Variants in WDPCP observed in about 807,000 individuals in gnomAD.
The protein encoded by WDPCP is WD repeat containing planar cell polarity effector.
In WDPCP, 71 loss-of-function variants were observed where a neutral mutation model predicts 93.1. That is an observed-to-expected ratio of 0.76 (90% CI 0.63 to 0.93). The LOEUF (loss-of-function observed/expected upper bound fraction) is 0.93. Among genes scored for constraint, WDPCP ranks in the 40% least tolerant of loss-of-function variants. The pLI is 0.00. For missense variants in WDPCP, 844 were observed against 887.4 expected (o/e 0.95, Z 0.62); for synonymous variants, 315 against 315.0 (o/e 1.00, Z 0.00).
chr2:63,312,556 A>G (rs1218427911), intron 13 of WDPCP, among the ~76,000 whole-genome samples: 1 of 152,208 alleles, frequency 6.6e-6, no homozygotes, highest in Non-Finnish European at 1.5e-5. Flanking sequence ...TTTCTGTGGA[A>G]ACAATGAAAT....
intron 14 of WDPCP, among the ~76,000 whole-genome samples, chr2:63,201,251 G>A (rs1207269731): frequency 6.6e-6 from 1 of 152,066 alleles, no homozygotes; most frequent in African/African-American, 2.4e-5. Context: ...TAAGTTTCCT[G>A]AGGCCTCCCC....
At chr2:63,575,208 A>C (rs1217970065) in intron 1 of WDPCP, among the ~76,000 whole-genome samples, 1 of 151,360 alleles carries the variant, frequency 6.6e-6, no homozygotes, top group African/African-American at 2.4e-5. Context: ...TATGTTACAT[A>C]ATAGAAATAG....
At chr2:63,541,396 C>G (rs1174593660) in intron 1 of WDPCP, among the ~76,000 whole-genome samples, 1 of 152,082 alleles carries the variant, frequency 6.6e-6, no homozygotes. Context: ...AAATAAGTTA[C>G]AATTATACAT....
chr2:63,803,692 T>C (rs1232181985), intron 2 of WDPCP, among the ~76,000 whole-genome samples: 5 of 152,196 alleles, frequency 3.3e-5, no homozygotes, highest in Non-Finnish European at 2.9e-5. Context: ...AAAAAATATG[T>C]TATTTCCTAT....
upstream of WDPCP, chr2:63,589,486 G>A (rs1003029681): frequency 1.7e-6 from 2 of 1,180,244 alleles, no homozygotes; most frequent in East Asian, 2.6e-5. Flanking sequence ...AAAGCAAAAA[G>A]CTGGAAAGGT....
intron 14 of WDPCP, among the ~76,000 whole-genome samples, chr2:63,213,127 T>A (rs1676980768): frequency 1.3e-5 from 2 of 152,210 alleles, no homozygotes; most frequent in Admixed American, 1.3e-4. Context: ...GTGGACCTAA[T>A]AGACAGCTAC....
chr2:63,423,825 T>C lies in WDPCP; in HGVS notation c.825+9920A>G, dbSNP rs201499408. On this transcript the variant is annotated intron_variant, in intron 9 of 17. Transcript: ENST00000272321. ...GGTAATAACTTTCCAAAAAGAAATA[T>C]TAAAAGTATGTGGAGATTAATGAGG... is the stretch of plus-strand genomic sequence containing the variant. Among the ~76,000 whole-genome samples the C allele has an allele frequency of 5.9e-5, 9 of 151,950 alleles. No individual in the cohort carries two copies. In the East Asian group the frequency reaches 1.5e-3, roughly 26 times the overall value.
intron 6 of WDPCP, among the ~76,000 whole-genome samples, chr2:63,470,361 A>G (rs1214631540): frequency 6.6e-6 from 1 of 152,180 alleles, no homozygotes; most frequent in Non-Finnish European, 1.5e-5. Flanking sequence ...ACCATGTCCA[A>G]AATTGAACTT....
At chr2:63,733,498 G>A (rs934135523) in intron 2 of WDPCP, among the ~76,000 whole-genome samples, 2 of 147,134 alleles carry the variant, frequency 1.4e-5, no homozygotes, top group Non-Finnish European at 3.0e-5. Context: ...CACCGCGCCC[G>A]GCCGCCAAAT....
At chr2:63,593,562 A>T (rs186707643), upstream of WDPCP, 2 of 471,312 alleles carry the variant, frequency 4.2e-6, no homozygotes, top group African/African-American at 4.0e-5. Flanking sequence ...GGAAGAAGGA[A>T]CTTTAAGTAA....
intron 2 of WDPCP, among the ~76,000 whole-genome samples, chr2:63,749,433 T>C (rs1437492987): frequency 3.3e-5 from 5 of 152,144 alleles, no homozygotes; most frequent in African/African-American, 1.2e-4. Context: ...TTTGACTTTA[T>C]AGTGGTGCAA....
intron 1 of WDPCP, among the ~76,000 whole-genome samples, chr2:63,516,135 T>C (rs1000198712): frequency 2.0e-5 from 3 of 152,096 alleles, no homozygotes; most frequent in Non-Finnish European, 2.9e-5. Context: ...CCAAAGCCCA[T>C]CATTTTGTCA....
chr2:63,746,080 C>T (rs188756240), intron 2 of WDPCP, among the ~76,000 whole-genome samples: 1 of 152,268 alleles, frequency 6.6e-6, no homozygotes, highest in East Asian at 1.9e-4. Context: ...GGACCCCAAA[C>T]AGAGGGACTG....
rs145640842 is a variant in WDPCP, at chr2:63,758,844, C to T, written n.308+54778G>A. On this transcript the variant is annotated intron_variant and non_coding_transcript_variant, in intron 2 of 4. Transcript: ENST00000467687. ...CCAGGCTGGAGTGCAGTGTCCCAGTCTCAGCTCACTGCAACCTCAGACTCC... is the reference window on the plus strand; with the variant it reads ...CCAGGCTGGAGTGCAGTGTCCCAGTTTCAGCTCACTGCAACCTCAGACTCC... Among the ~76,000 whole-genome samples the T allele has an allele frequency of 4.1e-3, 628 of 152,122 alleles. 3 individuals are homozygous for T. The highest frequency in any genetic ancestry group is 0.014 in the African/African-American group (588 of 41,484).
At chr2:63,501,946 T>C (rs549420222) in intron 1 of WDPCP, among the ~76,000 whole-genome samples, 2 of 152,274 alleles carry the variant, frequency 1.3e-5, no homozygotes, top group East Asian at 3.9e-4. Flanking sequence ...GTTTTAAAAT[T>C]ACAAAAGCAA....
intron 1 of WDPCP, among the ~76,000 whole-genome samples, chr2:63,531,138 G>A (rs1196284576): frequency 6.6e-6 from 1 of 152,236 alleles, no homozygotes; most frequent in African/African-American, 2.4e-5. Flanking sequence ...CGAGGCTGGG[G>A]GAGGGGCATC....
intron 1 of WDPCP, among the ~76,000 whole-genome samples, chr2:63,504,440 A>T (rs1701744162): frequency 6.6e-6 from 1 of 151,280 alleles, no homozygotes; most frequent in South Asian, 2.1e-4. Context: ...GAGTCCATGT[A>T]TCTCCTCTCC....
At chr2:63,280,147 C>T (rs373572819) in intron 13 of WDPCP, among the ~76,000 whole-genome samples, 4 of 152,100 alleles carry the variant, frequency 2.6e-5, no homozygotes, top group East Asian at 1.9e-4. Context: ...CAAAAAAGAG[C>T]GCTGTATTAG....
intron 2 of WDPCP, among the ~76,000 whole-genome samples, chr2:63,683,274 T>C (rs1205459119): frequency 6.6e-6 from 1 of 152,066 alleles, no homozygotes; most frequent in African/African-American, 2.4e-5. Flanking sequence ...AAATGGGCTA[T>C]ACTCTTCAAT....
Sources: allele counts gnomAD v4.1 joint callset (sites outside exome capture counted in the v4.1 genomes callset), GRCh38; gene constraint gnomAD v4.1.1; transcripts MANE v1.5; gene names NCBI Gene and HGNC (gene_info 2026-07-23, HGNC 2026-07-21).